HOOK2: variants seen among roughly 807,000 people sequenced by gnomAD.
HOOK2 encodes protein Hook homolog 2.
HOOK2 carries 108 observed loss-of-function variants against 111.9 expected under a neutral mutation model. The observed-to-expected ratio is 0.96, with a 90% CI of 0.83 to 1.13. The LOEUF (loss-of-function observed/expected upper bound fraction) is 1.13. HOOK2 is among the 50% of genes most tolerant of loss of function. HOOK2 has a pLI of 0.00. For synonymous variants in HOOK2, 405 were observed against 394.3 expected (o/e 1.03, Z -0.32); for missense variants, 978 against 951.3 (o/e 1.03, Z -0.37).
intron 7 of HOOK2, 113 bp downstream of exon 7, chr19:12,772,077 G>T: frequency 2.4e-6 from 2 of 818,960 alleles, no homozygotes; most frequent in Non-Finnish European, 4.2e-6. Flanking sequence ...GTGGGGTCTG[G>T]ACCTTTAACA....
At position 12,769,937 on chromosome 19, in the gene HOOK2, C is replaced by T; in HGVS notation, c.1048G>A (p.Asp350Asn). The T allele has an allele frequency of 3.9e-6, 6 of 1,557,962 alleles. No homozygotes were observed. The highest frequency in any genetic ancestry group is 5.2e-6 in the Non-Finnish European group (6 of 1,159,530). ...AGGGAGCCCGCTCGGCGTAGCTCAT[C>T]CTCCAGTTGTCGCGTGCGCTCGGCG... Reference protein sequence around the residue: ...GHAERTRQLEDELRRAGSLRA... With the variant: ...GHAERTRQLENELRRAGSLRA... The change falls in exon 11 of 23, where the codon GAT becomes AAT. Residue 350 changes from aspartate (D) to asparagine (N), a missense_variant. Around this residue, in one of 5 missense-constraint regions of HOOK2, gnomAD observed 388 missense variants for 358.3 expected, o/e 1.08. Transcript: ENST00000397668.
chr19:12,772,748 C>A (rs1203446951), intron 5 of HOOK2, 32 bp downstream of exon 5: 5 of 1,613,394 alleles, frequency 3.1e-6, no homozygotes, highest in Non-Finnish European at 4.2e-6. Context: ...TTTCCTCAGG[C>A]CAGCCCTGGG....
intron 11 of HOOK2, among the ~76,000 whole-genome samples, chr19:12,768,577 G>A (rs10404800): frequency 0.08 from 12,170 of 152,178 alleles, 1,638 homozygotes; most frequent in African/African-American, 0.28. Context: ...GGCTAGGCTA[G>A]GCTGTGATGC....
intron 3 of HOOK2, among the ~76,000 whole-genome samples, chr19:12,785,541 A>G (rs1359084370): frequency 6.6e-6 from 1 of 152,122 alleles, no homozygotes; most frequent in Non-Finnish European, 1.5e-5. Flanking sequence ...CTACACGTAC[A>G]TACATCTAGA....
chr19:12,769,789 G>T, intron 11 of HOOK2, 92 bp downstream of exon 11: 1 of 1,055,114 alleles, frequency 9.5e-7, no homozygotes, highest in Non-Finnish European at 1.3e-6. Context: ...TACAAATAAG[G>T]GAGGGGATCA....
At chr19:12,774,982 G>A in intron 1 of HOOK2, 85 bp from the exon 2 acceptor site, 5 of 1,333,844 alleles carry the variant, frequency 3.7e-6, no homozygotes, top group Non-Finnish European at 5.2e-6. Flanking sequence ...TCCAGTCAGC[G>A]AACCTCACAT....
rs754354242 is a variant in HOOK2, at chr19:12,767,898, C to G, written c.1221G>C (p.Leu407=). ...YESVTKEKER[L]LAERDSLREA... is the part of the protein sequence containing the mutation. ...CCCGCAAGGAGTCCCGCTCCGCCAA[C>G]AGCCGCTGCAGGGACAGGGTACAAG... The change falls in exon 13 of 23, where the codon CTG becomes CTC. Residue 407 remains leucine, a synonymous_variant. Coordinates refer to ENST00000397668, the MANE Select transcript of HOOK2 (RefSeq NM_013312.3). The G allele has an allele frequency of 1.9e-6, 3 of 1,610,618 alleles. No individual in the cohort carries two copies. In the South Asian group the frequency reaches 3.3e-5, roughly 18 times the overall value.
At chr19:12,778,283 C>G (rs1008167648), upstream of HOOK2, 4 of 152,244 alleles carry the variant, frequency 2.6e-5, no homozygotes, top group Non-Finnish European at 5.9e-5. Flanking sequence ...GCGCATCGCA[C>G]GAACGCAGTC....
chr19:12,772,360 C>T (rs1968362218), intron 6 of HOOK2, 108 bp from the exon 7 acceptor site: 2 of 1,283,566 alleles, frequency 1.6e-6, no homozygotes, highest in Non-Finnish European at 1.1e-6. Context: ...AAGGCCAGTT[C>T]TGCCCAATAA....
rs1163303846 is a variant in HOOK2 at position 12,774,691 on chromosome 19, G to A, written c.182C>T (p.Pro61Leu). 6.2e-7 allele frequency: 1 copy of A among 1,614,164 alleles called. No homozygotes were observed. Among genetic ancestry groups the A allele is most frequent in the Non-Finnish European group, 8.5e-7 (1 of 1,180,030 alleles). ...EAWLQGISED[P>L]GPNWKLKVSN... ...CACCTTCAGCTTCCAGTTGGGACCT[G>A]GATCTTCCGAGATGCCCTGGAGCCA... The change falls in exon 3 of 23, where the codon CCA becomes CTA. Residue 61 changes from proline to leucine, a missense_variant. Physicochemically the swap from Pro to Leu is moderately conservative, Grantham distance 98 (BLOSUM62 -3). Coordinates refer to ENST00000397668, the MANE Select transcript of HOOK2 (RefSeq NM_013312.3).
chr19:12,770,468 C>T (rs1347966408), intron 10 of HOOK2, among the ~76,000 whole-genome samples: 1 of 151,718 alleles, frequency 6.6e-6, no homozygotes, highest in Admixed American at 6.6e-5. Flanking sequence ...CTAGTACCTT[C>T]GCATTACAGA....
rs1187722702 is a variant in HOOK2 at position 12,791,170 on chromosome 19, T to C, written n.42-16945A>G. On this transcript the variant is annotated intron_variant and non_coding_transcript_variant, in intron 3 of 3. Transcript: ENST00000589765. This position sits in a 1 kb window ranked among gnomAD's most constrained non-coding sequence, Gnocchi z 7.0. ...CTTGCTGCGTACCAGGTCCTGGTATTTGTCCCAGTGGACTCCAGGGAAATC... is the reference window on the plus strand; with the variant it reads ...CTTGCTGCGTACCAGGTCCTGGTATCTGTCCCAGTGGACTCCAGGGAAATC... Among the ~76,000 whole-genome samples the C allele has an allele frequency of 6.6e-6, 1 of 152,154 alleles. No homozygotes were observed. Among genetic ancestry groups the C allele is most frequent in the African/African-American group, 2.4e-5 (1 of 41,418 alleles).
At chr19:12,778,711 C>T (rs1266754982), upstream of HOOK2, among the ~76,000 whole-genome samples, 2 of 152,110 alleles carry the variant, frequency 1.3e-5, no homozygotes, top group Non-Finnish European at 1.5e-5. Flanking sequence ...TCTGGAAATC[C>T]AAATATTTAG....
Position 12,771,314 on chromosome 19 carries a change from C to T in HOOK2, c.606G>A (p.Met202Ile). 1 of 1,603,818 alleles carries T rather than the reference C, an allele frequency of 6.2e-7. No homozygotes were observed. The highest frequency in any genetic ancestry group is 8.5e-7 in the Non-Finnish European group (1 of 1,174,750). Residue 202 changes from methionine to isoleucine, a missense_variant, in exon 9 of 23, where the codon ATG (methionine) becomes ATA (isoleucine). Met to Ile is a conservative substitution (Grantham distance 10, BLOSUM62 1). Transcript: ENST00000397668. ...GGCTCTGCTTCTCCTCTGACAGGAG[C>T]ATCAGCTGCGGGCAGGGCAGAAAGA... ...QRCLDLERQL[M>I]LLSEEKQSLA... is the part of the protein sequence containing the mutation.
chr19:12,782,646 T>C (rs966728934), upstream of HOOK2, among the ~76,000 whole-genome samples: 1 of 151,958 alleles, frequency 6.6e-6, no homozygotes, highest in Non-Finnish European at 1.5e-5. Flanking sequence ...CTGCACTGGC[T>C]GCGTGCGCGC....
intron 7 of HOOK2, chr19:12,771,985 T>C: frequency 1.8e-6 from 1 of 566,578 alleles, no homozygotes. Flanking sequence ...GTACAGGAAG[T>C]GGCTAGCACC....
Position 12,767,401 on chromosome 19 carries a change from T to G in HOOK2, c.1367A>C (p.Glu456Ala). The change falls in exon 14 of 23, where the codon GAG (glutamate) becomes GCG (alanine). Residue 456 changes from glutamate (E) to alanine (A), a missense_variant. Physicochemically the swap from Glu to Ala is moderately radical, Grantham distance 107 (BLOSUM62 -1). Around this residue, in one of 5 missense-constraint regions of HOOK2, gnomAD observed 388 missense variants for 358.3 expected, o/e 1.08. Coordinates refer to ENST00000397668, the MANE Select transcript of HOOK2 (RefSeq NM_013312.3). ...TTGAGTGACCCCAGGATACCTGAGC[T>G]CCGCAGGCAGGATCTCTGCGGCTAA... is the stretch of plus-strand genomic sequence containing the variant. ...DNLAAEILPA[E>A]LRETLLRLQL... 2 of 1,613,742 alleles carry G rather than the reference T, an allele frequency of 1.2e-6. No individual in the cohort carries two copies. Among genetic ancestry groups the G allele is most frequent in the South Asian group, 1.1e-5 (1 of 91,084 alleles).
At chr19:12,767,495 C>T in intron 13 of HOOK2, 31 bp from the exon 14 acceptor site, 1 of 1,566,084 alleles carries the variant, frequency 6.4e-7, no homozygotes, top group Non-Finnish European at 8.8e-7. Context: ...CTTCAGGTCT[C>T]TTCGCATCCC....
chr19:12,792,204 G>C (rs1968727922), intron 3 of HOOK2: 1 of 1,569,176 alleles, frequency 6.4e-7, no homozygotes, highest in African/African-American at 1.3e-5. Flanking sequence ...AGCCCTGGAC[G>C]ATCTGCACAA....
Sources: allele counts gnomAD v4.1 joint callset (sites outside exome capture counted in the v4.1 genomes callset), GRCh38; gene constraint gnomAD v4.1.1; regional missense constraint gnomAD v4.1.1; non-coding constraint Gnocchi (gnomAD v3.1); transcripts MANE v1.5; gene names NCBI Gene and HGNC (gene_info 2026-07-23, HGNC 2026-07-21).